NPAS2: variants seen among roughly 807,000 people sequenced by gnomAD.
The protein encoded by NPAS2 is neuronal PAS domain-containing protein 2.
In NPAS2, 23 loss-of-function variants were observed where a neutral mutation model predicts 107.5. The ratio of observed to expected loss-of-function variants is 0.21; its 90% CI spans 0.15 to 0.30. The LOEUF (loss-of-function observed/expected upper bound fraction) is 0.30. Ranked by LOEUF, NPAS2 falls within the 10% of genes least tolerant of loss-of-function variation. The pLI is 1.00. For missense variants in NPAS2, 756 were observed against 1,043.3 expected, an observed-to-expected ratio of 0.72 and a Z score of 3.79; for synonymous variants, 403 against 417.5, an observed-to-expected ratio of 0.97 and a Z score of 0.42.
At chr2:100,993,099 T>G (rs989044347) in intron 19 of NPAS2, among the ~76,000 whole-genome samples, 4 of 151,852 alleles carry the variant, frequency 2.6e-5, no homozygotes, top group African/African-American at 9.7e-5. Context: ...CTGGCTAATT[T>G]TTATTTATAT....
At chr2:100,874,243 C>T (rs1307737013) in intron 1 of NPAS2, among the ~76,000 whole-genome samples, 1 of 151,964 alleles carries the variant, frequency 6.6e-6, no homozygotes, top group Non-Finnish European at 1.5e-5. Flanking sequence ...CCTCGGCCTC[C>T]CAAAGTATAT....
chr2:100,841,280 C>T (rs1464922188), intron 1 of NPAS2, among the ~76,000 whole-genome samples: 1 of 151,762 alleles, frequency 6.6e-6, no homozygotes. Context: ...ACTAAAAATA[C>T]AAAAAAAATT....
chr2:100,925,087 C>A lies in NPAS2; in HGVS notation c.33-59C>A. On this transcript the variant is annotated intron_variant, in intron 2 of 20. Coordinates refer to ENST00000335681, the MANE Select transcript of NPAS2 (RefSeq NM_002518.4). ...GCTCTAATAGAAAGTGCTTTTGTTTCATCACAAAGCCTTTGTGACGTGGAA... is the reference window on the plus strand; with the variant it reads ...GCTCTAATAGAAAGTGCTTTTGTTTAATCACAAAGCCTTTGTGACGTGGAA... 1.4e-5 allele frequency: 21 copies of A among 1,531,446 alleles called. 1 individual carries two copies. The South Asian group carries it at 2.5e-4, about 18-fold the overall frequency. 94.9% of individuals were successfully genotyped at this position (1,531,446 alleles called of 1,614,324 possible). A position where few individuals can be genotyped will look rare whatever the true frequency, so the allele number is the denominator to read the frequency against.
intron 2 of NPAS2, among the ~76,000 whole-genome samples, chr2:100,921,870 T>G (rs1193128926): frequency 1.3e-5 from 2 of 152,170 alleles, no homozygotes; most frequent in African/African-American, 2.4e-5. Context: ...CACACAGATC[T>G]GTACATGAGT....
chr2:100,986,634 G>T (rs1213108779), intron 16 of NPAS2: 2 of 152,164 alleles, frequency 1.3e-5, no homozygotes, highest in African/African-American at 4.8e-5. Context: ...CCAGTTTCAG[G>T]TCTGTCATTA....
At chr2:100,961,198 A>C (rs1032601311) in intron 7 of NPAS2, among the ~76,000 whole-genome samples, 18 of 152,222 alleles carry the variant, frequency 1.2e-4, no homozygotes, top group Non-Finnish European at 2.2e-4. Context: ...CTTGGGATAC[A>C]AAGTGCCAGA....
At chr2:100,993,590 G>A (rs960745377) in intron 20 of NPAS2, 63 bp downstream of exon 20, 21 of 1,250,662 alleles carry the variant, frequency 1.7e-5, no homozygotes, top group Middle Eastern at 2.3e-4. Flanking sequence ...CTCCACACCC[G>A]AAGTCTCAGA....
intron 3 of NPAS2, among the ~76,000 whole-genome samples, chr2:100,928,008 T>C (rs1302106062): frequency 6.6e-6 from 1 of 152,228 alleles, no homozygotes; most frequent in Non-Finnish European, 1.5e-5. Context: ...TCTCTTCCAC[T>C]GAACATTTTC....
intron 1 of NPAS2, among the ~76,000 whole-genome samples, chr2:100,836,588 G>A (rs1286295682): frequency 1.3e-5 from 2 of 152,212 alleles, no homozygotes; most frequent in Non-Finnish European, 2.9e-5. Flanking sequence ...AACAGGGTCA[G>A]GAGTTAACGA....
rs374936840 is a variant in NPAS2 at position 100,968,156 on chromosome 2, C to T, written c.908-125C>T. The T allele has an allele frequency of 4.0e-5, 40 of 991,012 alleles. No homozygotes were observed. Among genetic ancestry groups the T allele is most frequent in the Admixed American group, 1.3e-4 (6 of 45,130 alleles). The allele number at this position is 991,012 out of a possible 1,614,324, so 61.4% of individuals were successfully genotyped here. A position where few individuals can be genotyped will look rare whatever the true frequency, so the allele number is the denominator to read the frequency against. On this transcript the variant is annotated intron_variant, in intron 10 of 20. Transcript: ENST00000335681. This position sits in a 1 kb window ranked among gnomAD's most constrained non-coding sequence, Gnocchi z 5.3. ...ACAGTCACTTAAAATACAGGGCAACCGGGGAAACAAGCCATGTTTGGTATT... is the reference window on the plus strand; with the variant it reads ...ACAGTCACTTAAAATACAGGGCAACTGGGGAAACAAGCCATGTTTGGTATT...
chr2:100,965,055 CTCT>C lies in NPAS2; in HGVS notation c.800+113_800+115del. On this transcript the variant is annotated intron_variant, in intron 9 of 20. Transcript: ENST00000335681. This position sits in a 1 kb window ranked among gnomAD's most constrained non-coding sequence, Gnocchi z 4.3. ...GCCCTGGTCCATTGAAAGAGGAGGACTCTCTGGCACTAGGAAAAGTCGTCCCTG... is the reference window on the plus strand; with the variant it reads ...GCCCTGGTCCATTGAAAGAGGAGGACCTGGCACTAGGAAAAGTCGTCCCTG... 1 of 651,810 alleles carries C rather than the reference CTCT, an allele frequency of 1.5e-6. No homozygotes were observed. Among genetic ancestry groups the C allele is most frequent in the Non-Finnish European group, 2.5e-6 (1 of 398,462 alleles). 40.4% of individuals were successfully genotyped at this position (651,810 alleles called of 1,614,324 possible). A position where few individuals can be genotyped will look rare whatever the true frequency, so the allele number is the denominator to read the frequency against.
chr2:100,913,227 G>A (rs960514856), intron 2 of NPAS2, among the ~76,000 whole-genome samples: 4 of 152,186 alleles, frequency 2.6e-5, no homozygotes, highest in Non-Finnish European at 5.9e-5. Context: ...ATACCTATTT[G>A]TACCTCTTGT....
intron 7 of NPAS2, among the ~76,000 whole-genome samples, chr2:100,950,171 C>T (rs1675138484): frequency 6.6e-6 from 1 of 152,182 alleles, no homozygotes; most frequent in African/African-American, 2.4e-5. Flanking sequence ...CCTAAGCCAA[C>T]TTGGTTATGG....
intron 16 of NPAS2, 39 bp downstream of exon 16, chr2:100,982,416 G>A: frequency 1.2e-6 from 2 of 1,605,018 alleles, no homozygotes; most frequent in Non-Finnish European, 1.7e-6. Context: ...CCCTGCTGCT[G>A]TGTGGGAAGG....
intron 1 of NPAS2, among the ~76,000 whole-genome samples, chr2:100,833,153 G>A (rs1200418310): frequency 6.6e-6 from 1 of 152,170 alleles, no homozygotes; most frequent in Non-Finnish European, 1.5e-5. Context: ...ATGGGCCAGG[G>A]CATTTTTAAA....
chr2:100,844,640 G>A (rs902704444), intron 1 of NPAS2, among the ~76,000 whole-genome samples: 1 of 152,130 alleles, frequency 6.6e-6, no homozygotes, highest in Non-Finnish European at 1.5e-5. Flanking sequence ...GTCGCCACAT[G>A]AATATAGGGG....
At chr2:100,879,313 C>T (rs1223604043) in intron 1 of NPAS2, among the ~76,000 whole-genome samples, 1 of 152,136 alleles carries the variant, frequency 6.6e-6, no homozygotes, top group African/African-American at 2.4e-5. Flanking sequence ...AGCAAGTTAA[C>T]ATATCCATCA....
At chr2:100,937,934 CA>C in intron 5 of NPAS2, 92 bp downstream of exon 5, 1 of 995,626 alleles carries the variant, frequency 1.0e-6, no homozygotes, top group Admixed American at 1.7e-5. Context: ...GTGCAGGTGT[CA>C]GGGGGCTGCA....
At chr2:100,874,702 A>C (rs1679844531) in intron 1 of NPAS2, among the ~76,000 whole-genome samples, 1 of 152,100 alleles carries the variant, frequency 6.6e-6, no homozygotes, top group African/African-American at 2.4e-5. Flanking sequence ...AGATCACACC[A>C]TTGCACTCCA....
Sources: gnomAD v4.1 joint callset for allele counts (sites outside exome capture counted in the v4.1 genomes callset) on GRCh38, gnomAD v4.1.1 for gene constraint, Gnocchi (gnomAD v3.1) non-coding constraint, MANE v1.5 for transcripts, NCBI Gene and HGNC (gene_info 2026-07-23, HGNC 2026-07-21) for gene names.